ADCY2: variants seen among roughly 807,000 people sequenced by gnomAD.
ADCY2 encodes adenylate cyclase 2.
A neutral mutation model predicts 125.2 loss-of-function variants in ADCY2; 31 were observed. That is an observed-to-expected ratio of 0.25 (90% confidence interval 0.19 to 0.33). The LOEUF (loss-of-function observed/expected upper bound fraction) is 0.33, where lower values mean the gene tolerates loss of function less well. ADCY2 is among the 10% of genes least tolerant of loss of function. ADCY2 has a pLI of 1.00. For missense variants in ADCY2, 904 were observed against 1,418.2 expected (o/e 0.64, Z 5.82); for synonymous variants, 512 against 548.4 (o/e 0.93, Z 0.93).
intron 3 of ADCY2, among the ~76,000 whole-genome samples, chr5:7,584,070 A>C (rs1213425882): frequency 6.6e-6 from 1 of 152,138 alleles, no homozygotes; most frequent in African/African-American, 2.4e-5. Context: ...GGAATGACTG[A>C]GAATGGGGTG....
chr5:7,568,125 A>G (rs571341768), intron 3 of ADCY2, among the ~76,000 whole-genome samples: 3 of 152,270 alleles, frequency 2.0e-5, no homozygotes, highest in South Asian at 4.1e-4. Context: ...TTGGCACTCA[A>G]TGTAGTATGG....
In ADCY2 at chr5:7,524,285, AT is replaced by A. The variant is rs926295206; in HGVS notation, c.570+3394del. Among the ~76,000 whole-genome samples, 21 of 152,172 alleles carry A rather than the reference AT, an allele frequency of 1.4e-4. No individual in the cohort carries two copies. In the East Asian group the frequency reaches 3.7e-3, roughly 27 times the overall value. On this transcript the variant is annotated intron_variant, in intron 3 of 24. Coordinates refer to ENST00000338316, the MANE Select transcript of ADCY2 (RefSeq NM_020546.3). ...AGTTGCAAATAGAGTACAGAGAATTATTTTTTTTGCTAAGCCATTTAGAGGT... is the reference window on the plus strand; with the variant it reads ...AGTTGCAAATAGAGTACAGAGAATTATTTTTTTGCTAAGCCATTTAGAGGT...
At chr5:7,515,869 G>C (rs1372878565) in intron 2 of ADCY2, among the ~76,000 whole-genome samples, 1 of 152,176 alleles carries the variant, frequency 6.6e-6, no homozygotes, top group Non-Finnish European at 1.5e-5. Context: ...AATAAATGGG[G>C]ACTTTAAATG....
intron 4 of ADCY2, among the ~76,000 whole-genome samples, chr5:7,673,893 A>G (rs1740024312): frequency 6.6e-6 from 1 of 152,082 alleles, no homozygotes; most frequent in African/African-American, 2.4e-5. Context: ...GGCCACTGGA[A>G]TGTGTTCTGG....
At chr5:7,804,757 A>T in intron 22 of ADCY2, 65 bp downstream of exon 22, 1 of 1,202,744 alleles carries the variant, frequency 8.3e-7, no homozygotes, top group Non-Finnish European at 1.2e-6. Context: ...CCACCCTGGG[A>T]CCAAAACAGC....
intron 2 of ADCY2, among the ~76,000 whole-genome samples, chr5:7,487,595 G>T (rs1348801070): frequency 2.0e-5 from 3 of 152,140 alleles, no homozygotes; most frequent in African/African-American, 4.8e-5. Flanking sequence ...AGCCATGTTG[G>T]ATCTTCTTCA....
chr5:7,578,385 G>A (rs1468162340), intron 3 of ADCY2, among the ~76,000 whole-genome samples: 1 of 152,182 alleles, frequency 6.6e-6, no homozygotes, highest in East Asian at 1.9e-4. Context: ...ATACAGCACG[G>A]AGGTTCCCCC....
intron 11 of ADCY2, among the ~76,000 whole-genome samples, chr5:7,714,143 A>G (rs1741525745): frequency 6.6e-6 from 1 of 152,250 alleles, no homozygotes; most frequent in South Asian, 2.1e-4. Context: ...ACTGTAATAA[A>G]GAGAACTTAA....
intron 3 of ADCY2, among the ~76,000 whole-genome samples, chr5:7,533,746 G>C (rs528424189): frequency 6.6e-6 from 1 of 152,198 alleles, no homozygotes; most frequent in East Asian, 1.9e-4. Flanking sequence ...TTTATTTTCT[G>C]TTTTTATTAT....
At chr5:7,785,879 A>G (rs144889951) in intron 19 of ADCY2, among the ~76,000 whole-genome samples, 63 of 152,300 alleles carry the variant, frequency 4.1e-4, no homozygotes, top group African/African-American at 1.5e-3. Context: ...GGTCGTTGAG[A>G]TGATACACAT....
chr5:7,725,783 G>A (rs1432265887), intron 13 of ADCY2, among the ~76,000 whole-genome samples: 1 of 152,202 alleles, frequency 6.6e-6, no homozygotes, highest in Non-Finnish European at 1.5e-5. Flanking sequence ...CAGCAATGAT[G>A]CTAATGTAGC....
intron 3 of ADCY2, among the ~76,000 whole-genome samples, chr5:7,532,181 C>T (rs1734671172): frequency 6.6e-6 from 1 of 152,202 alleles, no homozygotes; most frequent in Admixed American, 6.5e-5. Context: ...AGAAAGTGTT[C>T]TTGCCGGACG....
intron 3 of ADCY2, among the ~76,000 whole-genome samples, chr5:7,593,823 C>G (rs1736923092): frequency 6.6e-6 from 1 of 151,820 alleles, no homozygotes; most frequent in South Asian, 2.1e-4. Flanking sequence ...AATAACATGA[C>G]AGAGTGTCAC....
At position 7,757,524 on chromosome 5, in the gene ADCY2, C is replaced by T; in HGVS notation, c.2032C>T (p.Pro678Ser). 1 of 1,614,042 alleles carries T rather than the reference C, an allele frequency of 6.2e-7. No individual in the cohort carries two copies. The highest frequency in any genetic ancestry group is 1.1e-5 in the South Asian group (1 of 91,054). Reference sequence around the variant, plus strand: ...GGGCATCATTGCCAACCGCCCCTGGCCACGGATCTCTCTCACGATCATCAC... The same window carrying T: ...GGGCATCATTGCCAACCGCCCCTGGTCACGGATCTCTCTCACGATCATCAC... Reference protein sequence around the residue: ...SSGIIANRPWPRISLTIITTA... With the variant: ...SSGIIANRPWSRISLTIITTA... The change falls in exon 16 of 25, where the codon CCA becomes TCA. Residue 678 changes from proline (P) to serine (S), a missense_variant. Transcript: ENST00000338316.
intron 4 of ADCY2, among the ~76,000 whole-genome samples, chr5:7,635,783 A>G (rs772091588): frequency 9.2e-5 from 14 of 152,206 alleles, no homozygotes; most frequent in Non-Finnish European, 8.8e-5. Flanking sequence ...AGGAAGATGA[A>G]GAAGCCCAAG....
At chr5:7,593,715 A>T (rs1349007436) in intron 3 of ADCY2, among the ~76,000 whole-genome samples, 1 of 152,148 alleles carries the variant, frequency 6.6e-6, no homozygotes, top group African/African-American at 2.4e-5. Flanking sequence ...CTTTTTCAAG[A>T]TGTTGGGGAA....
chr5:7,774,401 A>C (rs1401139986), intron 18 of ADCY2, among the ~76,000 whole-genome samples: 2 of 152,240 alleles, frequency 1.3e-5, no homozygotes, highest in African/African-American at 4.8e-5. Context: ...TTGCTCTACT[A>C]TATCCAGAAA....
At chr5:7,772,091 G>A (rs1034247660) in intron 17 of ADCY2, among the ~76,000 whole-genome samples, 2 of 152,158 alleles carry the variant, frequency 1.3e-5, no homozygotes, top group East Asian at 3.9e-4. Context: ...GACCTACAAG[G>A]AGAATATGAT....
chr5:7,581,505 A>G (rs1246155592), intron 3 of ADCY2, among the ~76,000 whole-genome samples: 4 of 104,756 alleles, frequency 3.8e-5, no homozygotes, highest in Non-Finnish European at 6.6e-5. Context: ...AAAAAGAATA[A>G]GTTACAGAAG....
Sources: gnomAD v4.1 joint callset for allele counts (sites outside exome capture counted in the v4.1 genomes callset) on GRCh38, gnomAD v4.1.1 for gene constraint, MANE v1.5 for transcripts, NCBI Gene and HGNC (gene_info 2026-07-23, HGNC 2026-07-21) for gene names.